Variants in TAF2 observed in about 807,000 individuals in gnomAD.
TAF2 encodes transcription initiation factor TFIID subunit 2.
A neutral mutation model predicts 138.5 loss-of-function variants in TAF2; 61 were observed. The ratio of observed to expected loss-of-function variants is 0.44; its 90% CI spans 0.36 to 0.54. The LOEUF is 0.54. Ranked by LOEUF, TAF2 falls within the 20% of genes least tolerant of loss-of-function variation. The pLI is 0.00. For missense variants in TAF2, 1,090 were observed against 1,427.9 expected (o/e 0.76, Z 3.81); for synonymous variants, 475 against 469.9 (o/e 1.01, Z -0.14).
At chr8:119,754,289 T>C (rs1281764009) in intron 22 of TAF2, among the ~76,000 whole-genome samples, 2 of 152,216 alleles carry the variant, frequency 1.3e-5, no homozygotes, top group Non-Finnish European at 2.9e-5. Context: ...TAAAATTTGG[T>C]ATTTAATTGT....
chr8:119,788,597 G>T, intron 13 of TAF2, 150 bp from the exon 14 acceptor site: 1 of 622,238 alleles, frequency 1.6e-6, no homozygotes, highest in East Asian at 4.1e-5. Context: ...GCCAAAGAGG[G>T]CAACTGGAAG....
At chr8:119,744,197 T>C in intron 24 of TAF2, 91 bp downstream of exon 24, 1 of 1,180,084 alleles carries the variant, frequency 8.5e-7, no homozygotes, top group East Asian at 2.3e-5. Flanking sequence ...AACTGTATAG[T>C]TGTTCATTTG....
intron 2 of TAF2, among the ~76,000 whole-genome samples, chr8:119,827,487 C>T (rs926623053): frequency 6.6e-6 from 1 of 152,140 alleles, no homozygotes; most frequent in Non-Finnish European, 1.5e-5. Context: ...TGCTGCCCTT[C>T]CCTTCCATAC....
At chr8:119,736,112 C>A (rs149862007) in intron 25 of TAF2, among the ~76,000 whole-genome samples, 47 of 152,356 alleles carry the variant, frequency 3.1e-4, no homozygotes, top group Non-Finnish European at 5.9e-4. Context: ...CTTCTCAGCA[C>A]AGGCAACTGC....
Position 119,801,817 on chromosome 8 carries a change from G to C in TAF2, c.769C>G (p.Leu257Val). ...ACCTCATGCATGTATGGATCTACCA[G>C]TATTTCAAATGGTCCAATGGCCAAG... ...ISLAIGPFEI[L>V]VDPYMHEVTH... The change falls in exon 6 of 26, where the codon CTG becomes GTG. Residue 257 changes from leucine to valine, a missense_variant. Transcript: ENST00000378164. 1.2e-6 allele frequency: 2 copies of C among 1,614,062 alleles called. No homozygotes were observed. The highest frequency in any genetic ancestry group is 1.6e-4 in the Middle Eastern group (1 of 6,062).
chr8:119,748,699 T>G (rs1031392968), intron 22 of TAF2, among the ~76,000 whole-genome samples: 15 of 152,138 alleles, frequency 9.9e-5, no homozygotes, highest in African/African-American at 3.4e-4. Flanking sequence ...TTTCTCCTCC[T>G]CAAAGCATTT....
chr8:119,819,019 C>T (rs894824632), intron 3 of TAF2, among the ~76,000 whole-genome samples: 1 of 151,740 alleles, frequency 6.6e-6, no homozygotes, highest in African/African-American at 2.4e-5. Flanking sequence ...ACCATCTAAC[C>T]CACTGAAAAT....
chr8:119,748,743 T>C (rs1453388683), intron 22 of TAF2, among the ~76,000 whole-genome samples: 1 of 152,128 alleles, frequency 6.6e-6, no homozygotes, highest in Non-Finnish European at 1.5e-5. Flanking sequence ...GAGGAGGTTA[T>C]CAGATTCCTG....
chr8:119,773,572 A>G (rs1164644323), intron 18 of TAF2, among the ~76,000 whole-genome samples: 1 of 151,584 alleles, frequency 6.6e-6, no homozygotes, highest in Non-Finnish European at 1.5e-5. Flanking sequence ...CTTATGAGGT[A>G]AGTAAAAATA....
In TAF2 at chr8:119,762,291, G is replaced by A. The variant is rs775191641; in HGVS notation, c.2558+124C>T. The A allele has an allele frequency of 5.6e-6, 5 of 892,442 alleles. No homozygotes were observed. The African/African-American group carries it at 8.5e-5, about 15-fold the overall frequency. 55.3% of individuals were successfully genotyped at this position (892,442 alleles called of 1,614,324 possible). A position where few individuals can be genotyped will look rare whatever the true frequency, so the allele number is the denominator to read the frequency against. ...ACTAATAATTTATCTGTGGGTGGTA[G>A]AATCATACAGAATTTTAGTTTTCTC... is the stretch of plus-strand genomic sequence containing the variant. On this transcript the variant is annotated intron_variant, in intron 19 of 25. Transcript: ENST00000378164.
intron 21 of TAF2, among the ~76,000 whole-genome samples, chr8:119,756,907 A>T (rs1820738145): frequency 1.3e-5 from 2 of 152,222 alleles, no homozygotes; most frequent in African/African-American, 4.8e-5. Context: ...CTACTGCAGT[A>T]GTCTAGCATT....
At chr8:119,793,334 T>A (rs752331060) in intron 10 of TAF2, 32 bp downstream of exon 10, 1 of 1,554,798 alleles carries the variant, frequency 6.4e-7, no homozygotes, top group Non-Finnish European at 8.9e-7. Context: ...ATAGTCAAGG[T>A]TTATAATATC....
intron 23 of TAF2, chr8:119,744,785 T>G: frequency 2.5e-6 from 1 of 404,282 alleles, no homozygotes; most frequent in South Asian, 1.9e-5. Flanking sequence ...GTTGCGTGTG[T>G]TCCTGCTAAG....
At position 119,732,059 on chromosome 8, in the gene TAF2, C is replaced by G; in HGVS notation, c.3465G>C (p.Lys1155Asn). The G allele has an allele frequency of 6.2e-7, 1 of 1,614,070 alleles. No homozygotes were observed. The highest frequency in any genetic ancestry group is 8.5e-7 in the Non-Finnish European group (1 of 1,179,992). Residue 1155 changes from lysine (K) to asparagine (N), a missense_variant, in exon 26 of 26, where the codon AAG (lysine) becomes AAC (asparagine). Around this residue, in one of 3 missense-constraint regions of TAF2, gnomAD observed 580 missense variants for 719.6 expected, o/e 0.81. Coordinates refer to ENST00000378164, the MANE Select transcript of TAF2 (RefSeq NM_003184.4). ...DHHHHHHHEH[K>N]KKKKKHKHKH... is the part of the protein sequence containing the mutation. ...TATGTTTATGCTTCTTCTTCTTTTT[C>G]TTGTGCTCATGGTGATGGTGGTGAT...
At chr8:119,789,831 T>C (rs1346179538) in intron 11 of TAF2, 85 bp from the exon 12 acceptor site, 3 of 1,313,128 alleles carry the variant, frequency 2.3e-6, no homozygotes, top group South Asian at 1.3e-5. Flanking sequence ...ATAACTTTAT[T>C]GTAGTCAATT....
rs140595897 is a variant in TAF2, at chr8:119,787,477, C to G, written c.1793+861G>C. ...AAGAAGACATTTATGCGGCAACAAA[C>G]ACATGAAAAAAAGCTCATCATCACT... On this transcript the variant is annotated intron_variant, in intron 14 of 25. Coordinates refer to ENST00000378164, the MANE Select transcript of TAF2 (RefSeq NM_003184.4). Among the ~76,000 whole-genome samples, 1,471 of 151,902 alleles carry G rather than the reference C, an allele frequency of 9.7e-3. 12 individuals carry two copies. The highest frequency in any genetic ancestry group is 0.014 in the Admixed American group (220 of 15,258).
At chr8:119,801,485 G>T (rs1373253112) in intron 6 of TAF2, among the ~76,000 whole-genome samples, 1 of 148,808 alleles carries the variant, frequency 6.7e-6, no homozygotes, top group African/African-American at 2.5e-5. Context: ...CTGGAGTGCA[G>T]TGGCACAATC....
Position 119,806,264 on chromosome 8 carries a change from T to C in TAF2, c.418+19A>G. On this transcript the variant is annotated intron_variant, in intron 4 of 25. Transcript: ENST00000378164. ...TAACGTGATTTTAGTGTACAGTCAATATACTCTTGGTGCTTTACCATCAAC... is the reference window on the plus strand; with the variant it reads ...TAACGTGATTTTAGTGTACAGTCAACATACTCTTGGTGCTTTACCATCAAC... 4 of 1,591,440 alleles carry C rather than the reference T, an allele frequency of 2.5e-6. No homozygotes were observed. The South Asian group carries it at 3.3e-5, about 13-fold the overall frequency.
chr8:119,779,768 T>C (rs141850425), intron 17 of TAF2, among the ~76,000 whole-genome samples: 2 of 152,306 alleles, frequency 1.3e-5, no homozygotes, highest in East Asian at 3.9e-4. Flanking sequence ...TCAACATCTA[T>C]CTTTTCACTT....
Sources: allele counts gnomAD v4.1 joint callset (sites outside exome capture counted in the v4.1 genomes callset), GRCh38; gene constraint gnomAD v4.1.1; regional missense constraint gnomAD v4.1.1; transcripts MANE v1.5; gene names NCBI Gene and HGNC (gene_info 2026-07-23, HGNC 2026-07-21).